The following SLC9C1 variants were observed in gnomAD, a reference collection of about 807,000 sequenced individuals.
The protein encoded by SLC9C1 is solute carrier family 9 member C1, also known as sodium/hydrogen exchanger 10.
A neutral mutation model predicts 140.9 loss-of-function variants in SLC9C1; 97 were observed. That is an observed-to-expected ratio of 0.69 (90% CI 0.58 to 0.82). SLC9C1 has a LOEUF of 0.82. Among genes scored for constraint, SLC9C1 ranks in the 40% least tolerant of loss-of-function variants. The pLI, the probability that SLC9C1 is intolerant of heterozygous loss-of-function variation, is 0.00. For synonymous variants in SLC9C1, 440 were observed against 442.6 expected (o/e 0.99, Z 0.07); for missense variants, 1,340 against 1,389.3 (o/e 0.96, Z 0.56).
intron 10 of SLC9C1, among the ~76,000 whole-genome samples, chr3:112,253,990 C>A (rs1202599711): frequency 2.0e-5 from 3 of 152,072 alleles, no homozygotes; most frequent in Non-Finnish European, 2.9e-5. Context: ...AGGAAAGAAT[C>A]TTGGAACTTG....
At chr3:112,270,881 T>C (rs945452237) in intron 6 of SLC9C1, among the ~76,000 whole-genome samples, 5 of 152,212 alleles carry the variant, frequency 3.3e-5, no homozygotes, top group African/African-American at 1.2e-4. Context: ...TCTTAGCCTA[T>C]TTTTTAATCG....
chr3:112,286,606 A>G lies in SLC9C1; in HGVS notation c.88+98T>C, dbSNP rs561911057. On this transcript the variant is annotated intron_variant, in intron 2 of 28. Transcript: ENST00000305815. ...CTAAAGGTATAAGTTTGAGAACAAA[A>G]TTATATCCTATTACTTCTACTTTCC... 52 of 1,018,652 alleles carry G rather than the reference A, an allele frequency of 5.1e-5. No individual in the cohort carries two copies. In the South Asian group the frequency reaches 9.0e-4, roughly 18 times the overall value. The allele number at this position is 1,018,652 out of a possible 1,614,324, so 63.1% of individuals were successfully genotyped here. A position where few individuals can be genotyped will look rare whatever the true frequency, so the allele number is the denominator to read the frequency against.
intron 20 of SLC9C1, among the ~76,000 whole-genome samples, chr3:112,186,430 GA>G (rs887243848): frequency 6.0e-5 from 9 of 150,944 alleles, no homozygotes; most frequent in Admixed American, 5.3e-4. Flanking sequence ...ACTCTACACA[GA>G]AAAAAAACAA....
At chr3:112,157,108 A>G (rs2075146845) in intron 26 of SLC9C1, among the ~76,000 whole-genome samples, 1 of 151,972 alleles carries the variant, frequency 6.6e-6, no homozygotes, top group Admixed American at 6.6e-5. Context: ...CCAATGTCCT[A>G]TAGCATTTTC....
chr3:112,242,543 G>T (rs2079164439), intron 11 of SLC9C1, among the ~76,000 whole-genome samples: 1 of 152,116 alleles, frequency 6.6e-6, no homozygotes, highest in Non-Finnish European at 1.5e-5. Flanking sequence ...AGAGTAGTGG[G>T]GAGGTAAGGG....
At chr3:112,153,377 G>C (rs2075038350) in intron 27 of SLC9C1, among the ~76,000 whole-genome samples, 1 of 149,286 alleles carries the variant, frequency 6.7e-6, no homozygotes, top group Non-Finnish European at 1.5e-5. Flanking sequence ...AAAAAAAGAT[G>C]GTCTTGTCAG....
At chr3:112,233,423 A>G (rs907639658) in intron 12 of SLC9C1, among the ~76,000 whole-genome samples, 2 of 152,144 alleles carry the variant, frequency 1.3e-5, no homozygotes, top group East Asian at 3.8e-4. Flanking sequence ...ATTTAAACAT[A>G]TATATTTTAA....
intron 20 of SLC9C1, among the ~76,000 whole-genome samples, chr3:112,183,349 C>CTTTTTTTTTTTTTTTTTTTTTTTTTTTTG (rs200437815): frequency 1.0e-5 from 1 of 95,404 alleles, no homozygotes; most frequent in African/African-American, 4.9e-5. Flanking sequence ...AGCACCTTTT[C>CTTTTTTTTTTTTTTTTTTTTTTTTTTTTG]TTTTTTTTTT....
In SLC9C1 at chr3:112,243,999, T is replaced by C. The variant is rs2079207916; in HGVS notation, c.1275A>G (p.Ile425Met). The change falls in exon 11 of 29, where the codon ATA becomes ATG. Residue 425 changes from isoleucine (I) to methionine (M), a missense_variant. By Grantham distance (10) the Ile-to-Met change is conservative (BLOSUM62 1). Coordinates refer to ENST00000305815, the MANE Select transcript of SLC9C1 (RefSeq NM_183061.3). ...ATAGTAACTGTTAGGGCTTACCTAG[T>C]ATAGTAACTGCCACTGGCAAAATAA... is the stretch of plus-strand genomic sequence containing the variant. Reference protein sequence around the residue: ...NRFILPVAVTILGLRDATSTK... With the variant: ...NRFILPVAVTMLGLRDATSTK... 6.3e-7 allele frequency: 1 copy of C among 1,597,628 alleles called. No individual in the cohort carries two copies. Among genetic ancestry groups the C allele is most frequent in the Non-Finnish European group, 8.6e-7 (1 of 1,168,144 alleles).
At chr3:112,223,185 CAG>C (rs562376352) in intron 13 of SLC9C1, among the ~76,000 whole-genome samples, 18 of 152,058 alleles carry the variant, frequency 1.2e-4, no homozygotes, top group Middle Eastern at 3.4e-3. Flanking sequence ...AAAGTGAAAA[CAG>C]GGGAATAGGG....
chr3:112,236,914 T>G (rs2079002599), intron 12 of SLC9C1, among the ~76,000 whole-genome samples: 1 of 152,204 alleles, frequency 6.6e-6, no homozygotes, highest in Non-Finnish European at 1.5e-5. Context: ...ATAAGTGCAG[T>G]GTGGTGCTGA....
At chr3:112,194,250 A>G (rs1346475304) in intron 20 of SLC9C1, among the ~76,000 whole-genome samples, 3 of 152,136 alleles carry the variant, frequency 2.0e-5, no homozygotes, top group Admixed American at 1.3e-4. Flanking sequence ...ATTGGGGGCC[A>G]GTGGGAATCT....
chr3:112,258,298 C>T (rs1419596048), intron 10 of SLC9C1, among the ~76,000 whole-genome samples: 2 of 152,158 alleles, frequency 1.3e-5, no homozygotes, highest in Non-Finnish European at 1.5e-5. Flanking sequence ...AACCTAAATG[C>T]CCACCATGGC....
intron 28 of SLC9C1, chr3:112,147,583 T>C: frequency 2.8e-6 from 1 of 360,396 alleles, no homozygotes; most frequent in Non-Finnish European, 5.4e-6. Flanking sequence ...GGAATTTTCT[T>C]TCTTTCAGAA....
In SLC9C1 at chr3:112,208,238, G is replaced by T. The variant is rs200055695; in HGVS notation, c.1926C>A (p.Ser642Arg). Reference sequence around the variant, plus strand: ...AACAGTAGTTAGTGTGTTTTAATTCGCTGTGGTAGATTACATTTAACTGGG... The same window carrying T: ...AACAGTAGTTAGTGTGTTTTAATTCTCTGTGGTAGATTACATTTAACTGGG... ...WISQLNVIYH[S>R]ELKHTNYCFL... is the part of the protein sequence containing the mutation. Residue 642 changes from serine (S) to arginine (R), a missense_variant, in exon 16 of 29, where the codon AGC (serine) becomes AGA (arginine). Ser to Arg is a moderately radical substitution (Grantham distance 110). Transcript: ENST00000305815. 3.0e-5 allele frequency: 49 copies of T among 1,611,248 alleles called. No homozygotes were observed. Among genetic ancestry groups the T allele is most frequent in the Non-Finnish European group, 3.3e-5 (39 of 1,178,770 alleles).
chr3:112,253,671 A>T (rs149623997), intron 10 of SLC9C1, among the ~76,000 whole-genome samples: 1 of 152,208 alleles, frequency 6.6e-6, no homozygotes, highest in African/African-American at 2.4e-5. Context: ...AAACACAGAG[A>T]TGAGAAAGAA....
intron 11 of SLC9C1, among the ~76,000 whole-genome samples, chr3:112,241,403 A>T (rs567497871): frequency 2.0e-5 from 3 of 152,190 alleles, no homozygotes; most frequent in Admixed American, 2.0e-4. Flanking sequence ...GAGGTGAAAG[A>T]TCTCTACAAG....
chr3:112,274,786 C>T (rs2080168715), intron 6 of SLC9C1, 111 bp downstream of exon 6: 2 of 1,059,706 alleles, frequency 1.9e-6, no homozygotes, highest in African/African-American at 1.7e-5. Context: ...CCAATACTCA[C>T]TATTATATTC....
At chr3:112,223,078 A>T (rs919215700) in intron 13 of SLC9C1, among the ~76,000 whole-genome samples, 1 of 152,190 alleles carries the variant, frequency 6.6e-6, no homozygotes, top group Non-Finnish European at 1.5e-5. Context: ...TAATATCAAT[A>T]TATTAAAGAA....
Sources: allele counts gnomAD v4.1 joint callset (sites outside exome capture counted in the v4.1 genomes callset), GRCh38; gene constraint gnomAD v4.1.1; transcripts MANE v1.5; gene names NCBI Gene and HGNC (gene_info 2026-07-23, HGNC 2026-07-21).